The following COLGALT1 variants were observed in gnomAD, a reference collection of about 807,000 sequenced individuals.
COLGALT1 encodes collagen beta(1-O)galactosyltransferase 1, also known as procollagen galactosyltransferase 1.
COLGALT1 carries 43 observed loss-of-function variants against 60.8 expected under a neutral mutation model. That is an observed-to-expected ratio of 0.71 (90% confidence interval 0.55 to 0.91). COLGALT1 has a LOEUF of 0.91. Among genes scored for constraint, COLGALT1 ranks in the 40% least tolerant of loss-of-function variants. COLGALT1 has a pLI of 0.00. For missense variants in COLGALT1, 845 were observed against 880.0 expected (o/e 0.96, Z 0.50); for synonymous variants, 369 against 374.2 (o/e 0.99, Z 0.16).
chr19:17,560,585 CT>C, intron 3 of COLGALT1, 120 bp downstream of exon 3: 1 of 784,406 alleles, frequency 1.3e-6, no homozygotes, highest in Non-Finnish European at 2.2e-6. Context: ...TAAACTGAGG[CT>C]TAGAGAGGGG....
At chr19:17,559,213 G>A in intron 1 of COLGALT1, 98 bp from the exon 2 acceptor site, 1 of 783,436 alleles carries the variant, frequency 1.3e-6, no homozygotes, top group Non-Finnish European at 2.2e-6. Flanking sequence ...CATAGCTGGT[G>A]GGAGGCCAGT....
At chr19:17,559,461 GC>G in intron 2 of COLGALT1, 40 bp downstream of exon 2, 1 of 1,476,058 alleles carries the variant, frequency 6.8e-7, no homozygotes. Context: ...ATTGGGCTTT[GC>G]CTCTGCTCAC....
At position 17,577,968 on chromosome 19, in the gene COLGALT1, C is replaced by T. The variant is rs374707500; in HGVS notation, c.1145C>T (p.Thr382Ile). The stretch of plus-strand genomic sequence containing the variant: ...CTCCTCCTCTCCAGAGCCATGAACA[C>T]CAGCCAGGTGGAGGCGCTGGGGATC... ...VEAVDGKAMN[T>I]SQVEALGIQM... is the part of the protein sequence containing the mutation. The change falls in exon 9 of 12, where the codon ACC (threonine) becomes ATC (isoleucine). Residue 382 changes from threonine (T) to isoleucine (I), a missense_variant. Transcript: ENST00000252599. 14 of 1,609,922 alleles carry T rather than the reference C, an allele frequency of 8.7e-6. No individual in the cohort carries two copies. The African/African-American group carries it at 1.5e-4, about 17-fold the overall frequency.
At chr19:17,573,142 C>T (rs1263531168) in intron 6 of COLGALT1, among the ~76,000 whole-genome samples, 1 of 152,074 alleles carries the variant, frequency 6.6e-6, no homozygotes, top group Non-Finnish European at 1.5e-5. Flanking sequence ...ACCTGTAATT[C>T]CAGCACTTTG....
intron 4 of COLGALT1, 39 bp downstream of exon 4, chr19:17,567,579 G>T: frequency 6.3e-7 from 1 of 1,595,692 alleles, no homozygotes; most frequent in Non-Finnish European, 8.5e-7. Context: ...ACTGGGCTGA[G>T]CAGGGGGGTG....
intron 8 of COLGALT1, 60 bp downstream of exon 8, chr19:17,577,527 C>A: frequency 2.2e-6 from 3 of 1,355,878 alleles, no homozygotes; most frequent in Non-Finnish European, 2.9e-6. Context: ...GTGTAGACCT[C>A]GCTGGTAGAC....
chr19:17,573,758 C>T (rs984482953), intron 6 of COLGALT1, among the ~76,000 whole-genome samples: 3 of 151,922 alleles, frequency 2.0e-5, no homozygotes, highest in African/African-American at 7.3e-5. Context: ...GGGCGGATCC[C>T]TGGAACCCAG....
In COLGALT1 at chr19:17,565,200, G is replaced by A. The variant is rs531964495; in HGVS notation, c.490-2206G>A. ...GACAGAGTGTTGCTCTGTCGCGCAG[G>A]TTTGCAGTGCAGTGGCACGATCTCG... On this transcript the variant is annotated intron_variant, in intron 3 of 11. Coordinates refer to ENST00000252599, the MANE Select transcript of COLGALT1 (RefSeq NM_024656.4). Among the ~76,000 whole-genome samples the A allele has an allele frequency of 3.9e-5, 6 of 151,940 alleles. No homozygotes were observed. The South Asian group carries it at 8.3e-4, about 21-fold the overall frequency.
In COLGALT1 at chr19:17,556,100, C is replaced by T. The variant is rs929349971; in HGVS notation, c.260+127C>T. On this transcript the variant is annotated intron_variant, in intron 1 of 11. Transcript: ENST00000252599. The stretch of plus-strand genomic sequence containing the variant: ...TGGGCGGGTCCGCGCGTGCTTCCTG[C>T]TCGCTACCCCCATCGGGACGGTTCT... The T allele has an allele frequency of 1.6e-4, 168 of 1,081,802 alleles. 1 individual carries two copies. In the East Asian group the frequency reaches 5.5e-3, roughly 35 times the overall value. The allele number at this position is 1,081,802 out of a possible 1,614,324, so 67.0% of individuals were successfully genotyped here. A position where few individuals can be genotyped will look rare whatever the true frequency, so the allele number is the denominator to read the frequency against.
At chr19:17,559,902 C>T (rs763891416) in intron 2 of COLGALT1, among the ~76,000 whole-genome samples, 5 of 152,200 alleles carry the variant, frequency 3.3e-5, no homozygotes, top group Non-Finnish European at 7.4e-5. Flanking sequence ...ATCCTCCCGC[C>T]TCAGCCTCCT....
chr19:17,577,008 G>A, intron 6 of COLGALT1, 187 bp from the exon 7 acceptor site: 1 of 607,138 alleles, frequency 1.6e-6, no homozygotes, highest in South Asian at 1.9e-5. Flanking sequence ...AGGGCTTTGG[G>A]CTGCTGTGCA....
chr19:17,576,467 G>A (rs1447490097), intron 6 of COLGALT1, among the ~76,000 whole-genome samples: 1 of 152,008 alleles, frequency 6.6e-6, no homozygotes, highest in Non-Finnish European at 1.5e-5. Context: ...ATAGAGGTGG[G>A]GCTGGGGGGT....
intron 6 of COLGALT1, 183 bp from the exon 7 acceptor site, chr19:17,577,012 C>CGG: frequency 2.8e-6 from 1 of 351,434 alleles, no homozygotes; most frequent in Non-Finnish European, 5.3e-6. Context: ...CTTTGGGCTG[C>CGG]TGTGCAGGGT....
chr19:17,566,365 A>C (rs1031486756), intron 3 of COLGALT1, among the ~76,000 whole-genome samples: 1 of 152,072 alleles, frequency 6.6e-6, no homozygotes, highest in Admixed American at 6.6e-5. Context: ...ATCTCAAAAA[A>C]ACAAAAACAA....
At chr19:17,570,690 C>T (rs2076307539) in intron 5 of COLGALT1, among the ~76,000 whole-genome samples, 1 of 152,056 alleles carries the variant, frequency 6.6e-6, no homozygotes, top group Admixed American at 6.6e-5. Context: ...CTTAGCCTCC[C>T]TAGTAGCTGG....
rs2076348952 is a variant in COLGALT1 at position 17,577,224 on chromosome 19, T to C, written c.979T>C (p.Phe327Leu). 1.3e-6 allele frequency: 2 copies of C among 1,577,158 alleles called. No homozygotes were observed. Among genetic ancestry groups the C allele is most frequent in the Non-Finnish European group, 1.7e-6 (2 of 1,164,898 alleles). Residue 327 changes from phenylalanine (F) to leucine (L), a missense_variant, in exon 7 of 12, where the codon TTC (phenylalanine) becomes CTC (leucine). By Grantham distance (22) the Phe-to-Leu change is conservative (BLOSUM62 0). Coordinates refer to ENST00000252599, the MANE Select transcript of COLGALT1 (RefSeq NM_024656.4). ...VKHPPAEPSR[F>L]ISAPTKTPDK... ...GCACCCGCCCGCAGAGCCCTCCCGC[T>C]TCATCTCGGCTCCCACCAAGACACC... is the stretch of plus-strand genomic sequence containing the variant.
intron 4 of COLGALT1, among the ~76,000 whole-genome samples, chr19:17,567,841 C>G (rs1172165766): frequency 6.6e-6 from 1 of 151,850 alleles, no homozygotes; most frequent in Non-Finnish European, 1.5e-5. Context: ...CCCAGCTGCT[C>G]GGGAGGCTGA....
intron 5 of COLGALT1, among the ~76,000 whole-genome samples, chr19:17,570,331 C>G (rs1224058710): frequency 6.6e-6 from 1 of 152,020 alleles, no homozygotes; most frequent in Non-Finnish European, 1.5e-5. Context: ...CCTCAACCTC[C>G]TGGGCTCAAG....
intron 6 of COLGALT1, among the ~76,000 whole-genome samples, chr19:17,574,281 C>T (rs1238788058): frequency 6.6e-6 from 1 of 151,958 alleles, no homozygotes; most frequent in Non-Finnish European, 1.5e-5. Context: ...CTGCGGCTCC[C>T]CCTGGTGGCT....
Sources: gnomAD v4.1 joint callset for allele counts (sites outside exome capture counted in the v4.1 genomes callset) on GRCh38, gnomAD v4.1.1 for gene constraint, MANE v1.5 for transcripts, NCBI Gene and HGNC (gene_info 2026-07-23, HGNC 2026-07-21) for gene names.